Variants in TUBA4A observed in about 807,000 individuals in gnomAD.
TUBA4A encodes tubulin alpha 4a, also known as tubulin alpha-4A chain.
TUBA4A carries 23 observed loss-of-function variants against 34.3 expected under a neutral mutation model. The observed-to-expected ratio is 0.67, with a 90% CI of 0.48 to 0.95. The LOEUF is 0.95. Among genes scored for constraint, TUBA4A ranks in the 40% least tolerant of loss-of-function variants. The pLI is 0.00. For missense variants in TUBA4A, 279 were observed against 599.0 expected (o/e 0.47, Z 5.58); for synonymous variants, 216 against 230.5 (o/e 0.94, Z 0.57).
At position 219,250,337 on chromosome 2, in the gene TUBA4A, C is replaced by T. The variant is rs774319060; in HGVS notation, c.*15G>A. The T allele has an allele frequency of 3.8e-6, 6 of 1,598,854 alleles. No individual in the cohort carries two copies. In the East Asian group the frequency reaches 9.0e-5, roughly 24 times the overall value. On this transcript the variant is annotated 3_prime_UTR_variant, in exon 4 of 4. Transcript: ENST00000248437. This position sits in a 1 kb window ranked among gnomAD's most constrained non-coding sequence, Gnocchi z 8.4. ...TTTTGCAATAAACATAGTGAATAGG[C>T]TCCAGGCAGCTGCTTTATTCTTCTC... is the stretch of plus-strand genomic sequence containing the variant.
chr2:219,253,205 C>T lies in TUBA4A; in HGVS notation c.3+651G>A, dbSNP rs777145784. 2.7e-6 allele frequency: 4 copies of T among 1,497,184 alleles called. No homozygotes were observed. The East Asian group carries it at 7.4e-5, about 28-fold the overall frequency. The allele number at this position is 1,497,184 out of a possible 1,614,324, so 92.7% of individuals were successfully genotyped here. Reference sequence around the variant, plus strand: ...TACATGCACCTCTCTCCCCTCCCCCCAACCTGGCCTCGGCCCGCGCAGTGC... The same window carrying T: ...TACATGCACCTCTCTCCCCTCCCCCTAACCTGGCCTCGGCCCGCGCAGTGC... On this transcript the variant is annotated intron_variant, in intron 1 of 3. Transcript: ENST00000248437.
In TUBA4A at chr2:219,250,324, CAT is replaced by C. The variant is rs1559275552; in HGVS notation, c.*26_*27del. On this transcript the variant is annotated 3_prime_UTR_variant, in exon 4 of 4. Coordinates refer to ENST00000248437, the MANE Select transcript of TUBA4A (RefSeq NM_006000.3). This position sits in a 1 kb window ranked among gnomAD's most constrained non-coding sequence, Gnocchi z 8.4. ...TATTTCGAAAGGATTTTGCAATAAA[CAT>C]AGTGAATAGGCTCCAGGCAGCTGCT... The C allele has an allele frequency of 2.5e-6, 4 of 1,578,202 alleles. No homozygotes were observed. The highest frequency in any genetic ancestry group is 1.7e-6 in the Non-Finnish European group (2 of 1,160,052).
rs1447701994 is a variant in TUBA4A, at chr2:219,250,847, C to T, written c.852G>A (p.Glu284=). ...PVISAEKAYH[E]QLSVAEITNA... ...TGGTGATCTCTGCCACCGACAGCTG[C>T]TCGTGGTATGCCTTTTCTGCAGAGA... is the stretch of plus-strand genomic sequence containing the variant. The change falls in exon 4 of 4, where the codon GAG becomes GAA. Residue 284 remains glutamate, a synonymous_variant. Transcript: ENST00000248437. This position sits in a 1 kb window ranked among gnomAD's most constrained non-coding sequence, Gnocchi z 8.4. 3 of 1,614,080 alleles carry T rather than the reference C, an allele frequency of 1.9e-6. No individual in the cohort carries two copies. The highest frequency in any genetic ancestry group is 3.3e-5 in the Admixed American group (2 of 60,010).
rs567717225 is a variant in TUBA4A at position 219,252,015 on chromosome 2, C to T, written c.219G>A (p.Thr73=). 5.8e-5 allele frequency: 94 copies of T among 1,614,130 alleles called. No homozygotes were observed. Among genetic ancestry groups the T allele is most frequent in the East Asian group, 5.1e-4 (23 of 44,888 alleles). Residue 73 remains threonine (T), a synonymous_variant, in exon 2 of 4, where the codon ACG becomes ACA. Coordinates refer to ENST00000248437, the MANE Select transcript of TUBA4A (RefSeq NM_006000.3). The surrounding 1 kb of genome is among the most constrained non-coding windows in gnomAD (Gnocchi z 4.1). ...PRAVFVDLEP[T]VIDEIRNGPY... ...GTCCCCACTTCCTCTCACCAATGAC[C>T]GTAGGCTCCAGATCCACAAAAACTG...
chr2:219,253,123 A>G, intron 1 of TUBA4A: 2 of 1,490,254 alleles, frequency 1.3e-6, no homozygotes, highest in Non-Finnish European at 1.8e-6. Flanking sequence ...GTTATTTCCC[A>G]GCCCAAAGCG....
Position 219,252,161 on chromosome 2 carries a change from A to C in TUBA4A, c.73T>G (p.Cys25Gly). 6.2e-7 allele frequency: 1 copy of C among 1,614,192 alleles called. No individual in the cohort carries two copies. Among genetic ancestry groups the C allele is most frequent in the South Asian group, 1.1e-5 (1 of 91,086 alleles). ...TCAGGCTGAATCCCATGTTCCAAGC[A>C]ATAGAGCTCCCAGCAGGCATTGCCC... is the stretch of plus-strand genomic sequence containing the variant. ...QMGNACWELY[C>G]LEHGIQPDGQ... The change falls in exon 2 of 4, where the codon TGC becomes GGC. Residue 25 changes from cysteine to glycine, a missense_variant. Physicochemically the swap from Cys to Gly is radical, Grantham distance 159 (BLOSUM62 -3). This residue lies in a region of TUBA4A where 98 missense variants were observed against 171.1 expected (regional missense o/e 0.57). Transcript: ENST00000248437. This position sits in a 1 kb window ranked among gnomAD's most constrained non-coding sequence, Gnocchi z 4.1.
Position 219,251,901 on chromosome 2 carries a change from T to C in TUBA4A, c.226+107A>G, listed in dbSNP as rs1951654342. The C allele has an allele frequency of 4.3e-6, 6 of 1,394,842 alleles. No homozygotes were observed. Among genetic ancestry groups the C allele is most frequent in the Non-Finnish European group, 3.9e-6 (4 of 1,013,376 alleles). The allele number at this position is 1,394,842 out of a possible 1,614,324, so 86.4% of individuals were successfully genotyped here. A position where few individuals can be genotyped will look rare whatever the true frequency, so the allele number is the denominator to read the frequency against. ...TGCCTTCTGCAGCTTCAAGTACGGCTAGGAATTTTCAGGGCTAGGAATGCC... is the reference window on the plus strand; with the variant it reads ...TGCCTTCTGCAGCTTCAAGTACGGCCAGGAATTTTCAGGGCTAGGAATGCC... On this transcript the variant is annotated intron_variant, in intron 2 of 3. Coordinates refer to ENST00000248437, the MANE Select transcript of TUBA4A (RefSeq NM_006000.3). This position sits in a 1 kb window ranked among gnomAD's most constrained non-coding sequence, Gnocchi z 6.1.
chr2:219,254,082 G>A (rs565908522), upstream of TUBA4A: 1 of 444,916 alleles, frequency 2.2e-6, no homozygotes, highest in East Asian at 3.6e-5. Flanking sequence ...CAAGCTGCGC[G>A]GGGGTCCCTC....
chr2:219,253,860 G>C lies in TUBA4A; in HGVS notation c.-2C>G. The C allele has an allele frequency of 6.7e-7, 1 of 1,482,652 alleles. No individual in the cohort carries two copies. The highest frequency in any genetic ancestry group is 8.9e-7 in the Non-Finnish European group (1 of 1,119,672). 91.8% of individuals were successfully genotyped at this position (1,482,652 alleles called of 1,614,324 possible). A position where few individuals can be genotyped will look rare whatever the true frequency, so the allele number is the denominator to read the frequency against. ...CCCCGGCCGGGCCGCACTCACCATGGTGAGTCCGGGCGGTGCGTCTCACGT... is the reference window on the plus strand; with the variant it reads ...CCCCGGCCGGGCCGCACTCACCATGCTGAGTCCGGGCGGTGCGTCTCACGT... On this transcript the variant is annotated 5_prime_UTR_variant, in exon 1 of 4. Coordinates refer to ENST00000248437, the MANE Select transcript of TUBA4A (RefSeq NM_006000.3).
Position 219,253,868 on chromosome 2 carries a change from G to A in TUBA4A, c.-10C>T, listed in dbSNP as rs377724136. 10 of 1,464,568 alleles carry A rather than the reference G, an allele frequency of 6.8e-6. No homozygotes were observed. The highest frequency in any genetic ancestry group is 9.0e-6 in the Non-Finnish European group (10 of 1,109,616). 90.7% of individuals were successfully genotyped at this position (1,464,568 alleles called of 1,614,324 possible). On this transcript the variant is annotated 5_prime_UTR_variant, in exon 1 of 4. Transcript: ENST00000248437. The stretch of plus-strand genomic sequence containing the variant: ...GGGCCGCACTCACCATGGTGAGTCC[G>A]GGCGGTGCGTCTCACGTTGAGTCGG...
intron 1 of TUBA4A, chr2:219,253,356 G>GGA: frequency 6.8e-7 from 1 of 1,462,320 alleles, no homozygotes; most frequent in African/African-American, 1.6e-5. Flanking sequence ...CTGAGTCACG[G>GGA]GGGGGGGGTG....
chr2:219,253,411 C>T (rs1470360770), intron 1 of TUBA4A: 5 of 1,528,896 alleles, frequency 3.3e-6, no homozygotes, highest in Non-Finnish European at 4.4e-6. Context: ...AAGGGGGATG[C>T]GGCACCAGGT....
In TUBA4A at chr2:219,252,045, G is replaced by A. The variant is rs2125070285; in HGVS notation, c.189C>T (p.Pro63=). The A allele has an allele frequency of 6.2e-7, 1 of 1,614,198 alleles. No individual in the cohort carries two copies. The highest frequency in any genetic ancestry group is 8.5e-7 in the Non-Finnish European group (1 of 1,180,032). Residue 63 remains proline, a synonymous_variant, in exon 2 of 4, where the codon CCC becomes CCT. Transcript: ENST00000248437. This position sits in a 1 kb window ranked among gnomAD's most constrained non-coding sequence, Gnocchi z 4.1. The part of the protein sequence containing the change: ...FCETGAGKHV[P]RAVFVDLEPT... ...GCTCCAGATCCACAAAAACTGCCCG[G>A]GGTACGTGTTTTCCAGCACCAGTTT... is the stretch of plus-strand genomic sequence containing the variant.
Position 219,253,918 on chromosome 2 carries a change from C to T in TUBA4A, c.-60G>A, listed in dbSNP as rs933714385. 7.5e-6 allele frequency: 10 copies of T among 1,338,236 alleles called. No homozygotes were observed. The highest frequency in any genetic ancestry group is 9.7e-6 in the Non-Finnish European group (10 of 1,028,060). The allele number at this position is 1,338,236 out of a possible 1,614,324, so 82.9% of individuals were successfully genotyped here. On this transcript the variant is annotated 5_prime_UTR_variant, in exon 1 of 4. Transcript: ENST00000248437. ...GGGTGACAGGTCTCAGTGAGAACTGCGCTAGCTGCAGTGCCGCACCGCCCT... is the reference window on the plus strand; with the variant it reads ...GGGTGACAGGTCTCAGTGAGAACTGTGCTAGCTGCAGTGCCGCACCGCCCT...
chr2:219,252,727 T>A lies in TUBA4A; in HGVS notation c.4-497A>T. Reference sequence around the variant, plus strand: ...AATCCCATCTGGCTCTGGGGATCAATCCCATCTGGCTCCTCTCCCCACCTC... The same window carrying A: ...AATCCCATCTGGCTCTGGGGATCAAACCCATCTGGCTCCTCTCCCCACCTC... On this transcript the variant is annotated intron_variant, in intron 1 of 3. Coordinates refer to ENST00000248437, the MANE Select transcript of TUBA4A (RefSeq NM_006000.3). This position sits in a 1 kb window ranked among gnomAD's most constrained non-coding sequence, Gnocchi z 4.1. The A allele has an allele frequency of 2.2e-6, 1 of 461,158 alleles. No homozygotes were observed. The allele number at this position is 461,158 out of a possible 1,614,324, so 28.6% of individuals were successfully genotyped here.
At position 219,250,029 on chromosome 2, in the gene TUBA4A, T is replaced by G. The variant is rs760053346; in HGVS notation, c.*323A>C. 236 of 291,664 alleles carry G rather than the reference T, an allele frequency of 8.1e-4. 1 individual carries two copies. Among genetic ancestry groups the G allele is most frequent in the Middle Eastern group, 5.5e-3 (5 of 916 alleles). The allele number at this position is 291,664 out of a possible 1,614,324, so 18.1% of individuals were successfully genotyped here. On this transcript the variant is annotated 3_prime_UTR_variant, in exon 4 of 4. Transcript: ENST00000248437. The surrounding 1 kb of genome is among the most constrained non-coding windows in gnomAD (Gnocchi z 8.4). ...AGAAACCACTGGATTATACTCCTAC[T>G]TGGAAAGGAGCTGAAGACTCATCCT... is the stretch of plus-strand genomic sequence containing the variant.
Position 219,251,765 on chromosome 2 carries a change from A to G in TUBA4A, c.227-52T>C. On this transcript the variant is annotated intron_variant, in intron 2 of 3. Coordinates refer to ENST00000248437, the MANE Select transcript of TUBA4A (RefSeq NM_006000.3). The surrounding 1 kb of genome is among the most constrained non-coding windows in gnomAD (Gnocchi z 6.1). Reference sequence around the variant, plus strand: ...TGCTCAGCAGGGACCTTCCTCCCCCAGGGTGGTAGCTGTGGCCAGATGCAT... The same window carrying G: ...TGCTCAGCAGGGACCTTCCTCCCCCGGGGTGGTAGCTGTGGCCAGATGCAT... 4 of 1,579,550 alleles carry G rather than the reference A, an allele frequency of 2.5e-6. No homozygotes were observed. The highest frequency in any genetic ancestry group is 3.4e-6 in the Non-Finnish European group (4 of 1,159,888).
At chr2:219,253,564 C>T in intron 1 of TUBA4A, 1 of 772,748 alleles carries the variant, frequency 1.3e-6, no homozygotes, top group Non-Finnish European at 2.2e-6. Flanking sequence ...GACTCTCATA[C>T]AGAGTCGGGA....
In TUBA4A at chr2:219,251,498, GA is replaced by G. The variant is rs979423056; in HGVS notation, c.375+66del. 180 of 1,569,366 alleles carry G rather than the reference GA, an allele frequency of 1.1e-4. 1 individual carries two copies. The African/African-American group carries it at 1.7e-3, about 15-fold the overall frequency. On this transcript the variant is annotated intron_variant, in intron 3 of 3. Coordinates refer to ENST00000248437, the MANE Select transcript of TUBA4A (RefSeq NM_006000.3). This position sits in a 1 kb window ranked among gnomAD's most constrained non-coding sequence, Gnocchi z 6.1. ...TAGAGATGACCTCCTGAAAGGATCT[GA>G]AAAAAAATATTCCTGACCATTAGCA...
Sources: allele counts gnomAD v4.1 joint callset, GRCh38; gene constraint gnomAD v4.1.1; regional missense constraint gnomAD v4.1.1; non-coding constraint Gnocchi (gnomAD v3.1); transcripts MANE v1.5; gene names NCBI Gene and HGNC (gene_info 2026-07-23, HGNC 2026-07-21).